Variants in NUDCD3 observed in about 807,000 individuals in gnomAD.
The protein encoded by NUDCD3 is nudC domain-containing protein 3.
NUDCD3 carries 13 observed loss-of-function variants against 39.7 expected under a neutral mutation model. That is an observed-to-expected ratio of 0.33 (90% CI 0.21 to 0.52). The LOEUF (loss-of-function observed/expected upper bound fraction) is 0.52. NUDCD3 is among the 20% of genes least tolerant of loss of function. The probability of loss-of-function intolerance (pLI) is 0.96; values close to 1 mark genes in which losing one functional copy is unlikely to be tolerated. For synonymous variants in NUDCD3, 175 were observed against 172.4 expected (o/e 1.02, Z -0.12); for missense variants, 453 against 458.1 (o/e 0.99, Z 0.10).
At chr7:44,402,764 C>T (rs867303221) in intron 4 of NUDCD3, 13 of 450,558 alleles carry the variant, frequency 2.9e-5, no homozygotes, top group African/African-American at 6.0e-5. Flanking sequence ...AGGGCTATCA[C>T]GACCTCTCAG....
At chr7:44,395,293 T>C (rs1042057965) in intron 4 of NUDCD3, among the ~76,000 whole-genome samples, 2 of 152,178 alleles carry the variant, frequency 1.3e-5, no homozygotes, top group Admixed American at 1.3e-4. Context: ...GCAGTGCAGC[T>C]CTCCAAGGGG....
chr7:44,379,718 T>G lies in NUDCD3; in HGVS notation c.*6293A>C, dbSNP rs761500769. On this transcript the variant is annotated 3_prime_UTR_variant, in exon 6 of 6. Transcript: ENST00000355451. ...CACCTCTGGTGAGAACACTGGAGAA[T>G]AGTTTAGGGGTGCCCGAGTTTCCCC... is the stretch of plus-strand genomic sequence containing the variant. 6.6e-6 allele frequency: 1 copy of G among 152,140 alleles called. No individual in the cohort carries two copies. The highest frequency in any genetic ancestry group is 1.5e-5 in the Non-Finnish European group (1 of 68,088). 9.4% of individuals were successfully genotyped at this position (152,140 alleles called of 1,614,324 possible). A position where few individuals can be genotyped will look rare whatever the true frequency, so the allele number is the denominator to read the frequency against.
chr7:44,467,101 C>T (rs1800132968), intron 2 of NUDCD3, among the ~76,000 whole-genome samples: 1 of 152,220 alleles, frequency 6.6e-6, no homozygotes, highest in Non-Finnish European at 1.5e-5. Context: ...TCACTTCCTC[C>T]AACCTCTGCA....
chr7:44,464,011 C>T (rs950525465), intron 2 of NUDCD3, among the ~76,000 whole-genome samples: 8 of 151,690 alleles, frequency 5.3e-5, no homozygotes, highest in Non-Finnish European at 1.2e-4. Context: ...GTTAGGAGTT[C>T]GAGACCAGCC....
At chr7:44,473,885 T>A (rs1344402644) in intron 2 of NUDCD3, among the ~76,000 whole-genome samples, 1 of 152,052 alleles carries the variant, frequency 6.6e-6, no homozygotes, top group African/African-American at 2.4e-5. Context: ...AAATGGAGGG[T>A]TGACTATGAG....
chr7:44,459,573 G>A (rs1799968143), intron 2 of NUDCD3, among the ~76,000 whole-genome samples: 1 of 152,138 alleles, frequency 6.6e-6, no homozygotes. Context: ...AATTGAACAA[G>A]GTAATAATAG....
intron 2 of NUDCD3, among the ~76,000 whole-genome samples, chr7:44,440,496 G>GAAAAAAAAAAAAAAAA (rs72065068): frequency 6.2e-5 from 3 of 48,388 alleles, no homozygotes; most frequent in Non-Finnish European, 8.1e-5. Context: ...CAGAAAAATT[G>GAAAAAAAAAAAAAAAA]AAAAAAAAAA....
chr7:44,403,745 T>C (rs941297398), intron 4 of NUDCD3, among the ~76,000 whole-genome samples: 4 of 152,258 alleles, frequency 2.6e-5, no homozygotes, highest in African/African-American at 7.2e-5. Flanking sequence ...CTAAAGACTT[T>C]TGTCCAGACA....
intron 1 of NUDCD3, among the ~76,000 whole-genome samples, chr7:44,487,538 T>C (rs1006329635): frequency 1.3e-5 from 2 of 151,600 alleles, no homozygotes; most frequent in South Asian, 2.1e-4. Context: ...GAAGAAATAA[T>C]GTTATGCTGG....
In NUDCD3 at chr7:44,408,319, G is replaced by GCATTTAATC. The variant is rs1311836994; in HGVS notation, c.643-3745_643-3737dup. Among the ~76,000 whole-genome samples, 7 of 152,318 alleles carry GCATTTAATC rather than the reference G, an allele frequency of 4.6e-5. 1 individual carries two copies. In the South Asian group the frequency reaches 1.4e-3, roughly 32 times the overall value. ...AATATCCAACTCAAGTCCAAAAACT[G>GCATTTAATC]CATTTAATCTATAAACGCAGGAAGA... On this transcript the variant is annotated intron_variant, in intron 3 of 5. Coordinates refer to ENST00000355451, the MANE Select transcript of NUDCD3 (RefSeq NM_015332.4).
chr7:44,408,024 GT>G (rs1798860521), intron 3 of NUDCD3, among the ~76,000 whole-genome samples: 2 of 152,006 alleles, frequency 1.3e-5, no homozygotes, highest in East Asian at 3.9e-4. Context: ...GACACTGGGT[GT>G]TTTTAAAAAG....
At chr7:44,402,862 C>A (rs893647323) in intron 4 of NUDCD3, 8 of 349,122 alleles carry the variant, frequency 2.3e-5, no homozygotes, top group African/African-American at 1.5e-4. Flanking sequence ...AGCTAGCCGG[C>A]CCCAGTACTA....
chr7:44,456,456 C>A (rs1799903683), intron 2 of NUDCD3, among the ~76,000 whole-genome samples: 1 of 152,214 alleles, frequency 6.6e-6, no homozygotes, highest in Non-Finnish European at 1.5e-5. Context: ...CTCACTATTG[C>A]ACTCGACTTG....
rs1798268637 is a variant in NUDCD3 at position 44,379,229 on chromosome 7, GATC to G, written c.*6779_*6781del. 1 of 151,500 alleles carries G rather than the reference GATC, an allele frequency of 6.6e-6. No individual in the cohort carries two copies. The highest frequency in any genetic ancestry group is 1.5e-5 in the Non-Finnish European group (1 of 68,000). The allele number at this position is 151,500 out of a possible 1,614,324, so 9.4% of individuals were successfully genotyped here. A position where few individuals can be genotyped will look rare whatever the true frequency, so the allele number is the denominator to read the frequency against. On this transcript the variant is annotated 3_prime_UTR_variant, in exon 6 of 6. Coordinates refer to ENST00000355451, the MANE Select transcript of NUDCD3 (RefSeq NM_015332.4). ...GCTACTTGGGAGGCTGAAGCAGGAG[GATC>G]ACTTGAGCCCAGAGGTTTGAGTCCA...
chr7:44,484,163 C>G (rs1162646286), intron 2 of NUDCD3, among the ~76,000 whole-genome samples: 3 of 152,028 alleles, frequency 2.0e-5, no homozygotes, highest in African/African-American at 7.2e-5. Context: ...GTGAATTTTC[C>G]AAAAAAACAA....
At chr7:44,391,282 AACATGTTG>A (rs1798510111) in intron 5 of NUDCD3, among the ~76,000 whole-genome samples, 2 of 152,170 alleles carry the variant, frequency 1.3e-5, no homozygotes, top group Non-Finnish European at 2.9e-5. Flanking sequence ...AGGTGAGGAG[AACATGTTG>A]ACACTCCTCT....
intron 2 of NUDCD3, among the ~76,000 whole-genome samples, chr7:44,459,339 T>C (rs1262723047): frequency 1.3e-5 from 2 of 151,880 alleles, no homozygotes; most frequent in Admixed American, 6.6e-5. Flanking sequence ...GCTGGGACTA[T>C]AGGCATGCAC....
At chr7:44,403,846 G>A (rs1798768585) in intron 4 of NUDCD3, among the ~76,000 whole-genome samples, 2 of 152,180 alleles carry the variant, frequency 1.3e-5, no homozygotes, top group South Asian at 4.1e-4. Flanking sequence ...TTCAGAACAT[G>A]TTGTGCCTCA....
At chr7:44,432,854 C>T (rs1249101451) in intron 2 of NUDCD3, among the ~76,000 whole-genome samples, 8 of 152,190 alleles carry the variant, frequency 5.3e-5, no homozygotes, top group Non-Finnish European at 1.0e-4. Context: ...CCTCACTGTC[C>T]CCTCAGGAGA....
Sources: gnomAD v4.1 joint callset for allele counts (sites outside exome capture counted in the v4.1 genomes callset) on GRCh38, gnomAD v4.1.1 for gene constraint, MANE v1.5 for transcripts, NCBI Gene and HGNC (gene_info 2026-07-23, HGNC 2026-07-21) for gene names.